RARA: variants seen among roughly 807,000 people sequenced by gnomAD.
RARA encodes retinoic acid receptor alpha, also known as PML-DDX5-RARA fusion.
Under a neutral mutation model 42.8 loss-of-function variants are expected in RARA, and 5 were observed. The observed-to-expected ratio is 0.12, with a 90% CI of 0.06 to 0.25. The LOEUF is 0.25. Among genes scored for constraint, RARA ranks in the 10% least tolerant of loss-of-function variants. The pLI is 1.00. For missense variants in RARA, 402 were observed against 628.7 expected (o/e 0.64, Z 3.86); for synonymous variants, 256 against 259.5 (o/e 0.99, Z 0.13).
At position 40,356,526 on chromosome 17, in the gene RARA, C is replaced by T. The variant is rs1046893372; in HGVS notation, c.*300C>T. 9 of 638,284 alleles carry T rather than the reference C, an allele frequency of 1.4e-5. No homozygotes were observed. The highest frequency in any genetic ancestry group is 1.4e-4 in the South Asian group (9 of 66,192). The allele number at this position is 638,284 out of a possible 1,614,324, so 39.5% of individuals were successfully genotyped here. On this transcript the variant is annotated 3_prime_UTR_variant, in exon 9 of 9. Coordinates refer to ENST00000254066, the MANE Select transcript of RARA (RefSeq NM_000964.4). ...TGGGGGCCTCGTGTTCATCAAGACACCCCTCTGCCCAGCTCACCACATCTT... is the reference window on the plus strand; with the variant it reads ...TGGGGGCCTCGTGTTCATCAAGACATCCCTCTGCCCAGCTCACCACATCTT...
intron 2 of RARA, chr17:40,340,740 G>A (rs2034008098): frequency 1.8e-5 from 7 of 398,516 alleles, no homozygotes; most frequent in Non-Finnish European, 3.1e-5. Context: ...GTGATTATTT[G>A]CTTAATGGCT....
At chr17:40,317,337 G>A (rs1358973426) in intron 1 of RARA, among the ~76,000 whole-genome samples, 1 of 152,244 alleles carries the variant, frequency 6.6e-6, no homozygotes, top group Non-Finnish European at 1.5e-5. Context: ...TGCTAGCGAT[G>A]GGGACAGGAT....
At chr17:40,319,050 G>A (rs1295228904) in intron 1 of RARA, among the ~76,000 whole-genome samples, 1 of 152,194 alleles carries the variant, frequency 6.6e-6, no homozygotes, top group African/African-American at 2.4e-5. Context: ...GGAACTTTTT[G>A]GGGTGAGGGG....
rs1366700065 is a variant in RARA, at chr17:40,345,425, C to CGGCTG, written c.179-2890_179-2886dup. The CGGCTG allele has an allele frequency of 6.6e-6, 1 of 152,346 alleles. No homozygotes were observed. The highest frequency in any genetic ancestry group is 1.5e-5 in the Non-Finnish European group (1 of 68,130). 9.4% of individuals were successfully genotyped at this position (152,346 alleles called of 1,614,324 possible). On this transcript the variant is annotated intron_variant, in intron 2 of 8. Transcript: ENST00000254066. The surrounding 1 kb of genome is among the most constrained non-coding windows in gnomAD (Gnocchi z 4.8). ...GGAGGGGAGCCGCTGGCCGGGGGCC[C>CGGCTG]GGCTGATTTCCTGCTGATCTCCTCC... is the stretch of plus-strand genomic sequence containing the variant.
chr17:40,329,311 T>TG lies in RARA; in HGVS notation c.-362-1546_-362-1545insG, dbSNP rs1450782914. On this transcript the variant is annotated intron_variant, in intron 1 of 8. Coordinates refer to ENST00000254066, the MANE Select transcript of RARA (RefSeq NM_000964.4). Reference sequence around the variant, plus strand: ...GATAACTTTTGTATTTGTGTGTGTGTTTTTTTTTTTTTGGAGACGGAGTCT... The same window carrying TG: ...GATAACTTTTGTATTTGTGTGTGTGTGTTTTTTTTTTTTGGAGACGGAGTCT... 2.8e-4 allele frequency among the ~76,000 whole-genome samples: 40 copies of TG among 143,278 alleles called. No individual in the cohort carries two copies. In the East Asian group the frequency reaches 5.2e-3, roughly 19 times the overall value. 94.0% of individuals were successfully genotyped at this position (143,278 alleles called of 152,430 possible). A position where few individuals can be genotyped will look rare whatever the true frequency, so the allele number is the denominator to read the frequency against.
rs2143237427 is a variant in RARA at position 40,326,131 on chromosome 17, G to C, written c.-362-4726G>C. Among the ~76,000 whole-genome samples, 1 of 152,322 alleles carries C rather than the reference G, an allele frequency of 6.6e-6. No individual in the cohort carries two copies. On this transcript the variant is annotated intron_variant, in intron 1 of 8. Transcript: ENST00000254066. This position sits in a 1 kb window ranked among gnomAD's most constrained non-coding sequence, Gnocchi z 5.2. Reference sequence around the variant, plus strand: ...TGGGAAATGGGTAATTCTCCCTCCTGGCCCCGTCAACAGATGTTGCCCTGG... The same window carrying C: ...TGGGAAATGGGTAATTCTCCCTCCTCGCCCCGTCAACAGATGTTGCCCTGG...
At chr17:40,314,781 G>A (rs141759439) in intron 1 of RARA, among the ~76,000 whole-genome samples, 2 of 152,006 alleles carry the variant, frequency 1.3e-5, no homozygotes, top group Non-Finnish European at 2.9e-5. Flanking sequence ...AGCTCTTCTC[G>A]GTAGGTGAGT....
At chr17:40,332,355 C>T (rs986083613) in intron 2 of RARA, among the ~76,000 whole-genome samples, 2 of 152,094 alleles carry the variant, frequency 1.3e-5, no homozygotes, top group African/African-American at 2.4e-5. Context: ...ACCTGGGAAA[C>T]GTGTCCCCAC....
chr17:40,314,087 T>A (rs902758713), intron 1 of RARA, among the ~76,000 whole-genome samples: 4 of 152,126 alleles, frequency 2.6e-5, no homozygotes, highest in African/African-American at 9.6e-5. Context: ...CTTGAACATT[T>A]ATTTTCTAGC....
Position 40,331,167 on chromosome 17 carries a change from C to A in RARA, c.-52C>A. 1 of 1,534,266 alleles carries A rather than the reference C, an allele frequency of 6.5e-7. No individual in the cohort carries two copies. Among genetic ancestry groups the A allele is most frequent in the Non-Finnish European group, 8.8e-7 (1 of 1,139,628 alleles). Reference sequence around the variant, plus strand: ...CCGAGGAGGGGTGGTCTGAAGCCCACCAGAGCCCCCTGCCAGACTGTCTGC... The same window carrying A: ...CCGAGGAGGGGTGGTCTGAAGCCCAACAGAGCCCCCTGCCAGACTGTCTGC... On this transcript the variant is annotated 5_prime_UTR_variant, in exon 2 of 9. Coordinates refer to ENST00000254066, the MANE Select transcript of RARA (RefSeq NM_000964.4).
Position 40,350,000 on chromosome 17 carries a change from G to A in RARA, c.469+75G>A, listed in dbSNP as rs2143476160. ...ATGCTCCTAAAGACCAAGGGAGCAG[G>A]GCTCTGTGGATGTTTGTGCACATGC... On this transcript the variant is annotated intron_variant, in intron 4 of 8. Coordinates refer to ENST00000254066, the MANE Select transcript of RARA (RefSeq NM_000964.4). The A allele has an allele frequency of 7.6e-6, 12 of 1,570,612 alleles. No individual in the cohort carries two copies. In the South Asian group the frequency reaches 1.4e-4, roughly 18 times the overall value.
In RARA at chr17:40,336,079, G is replaced by T. The variant is rs149635758; in HGVS notation, c.178+4683G>T. On this transcript the variant is annotated intron_variant, in intron 2 of 8. Transcript: ENST00000254066. ...ACCTCTCTGAGCATGTTTCTTTTTT[G>T]TTGTTGTTTGTTTTGAGACGGAGTC... 8.7e-4 allele frequency among the ~76,000 whole-genome samples: 132 copies of T among 152,244 alleles called. No homozygotes were observed. In the Middle Eastern group the frequency reaches 0.02, roughly 24 times the overall value.
At chr17:40,350,989 C>T (rs1232252146) in intron 4 of RARA, among the ~76,000 whole-genome samples, 1 of 152,006 alleles carries the variant, frequency 6.6e-6, no homozygotes, top group Non-Finnish European at 1.5e-5. Flanking sequence ...TCCCCTTCTC[C>T]CTCCCACCGC....
In RARA at chr17:40,352,068, A is replaced by G; in HGVS notation, c.628A>G (p.Thr210Ala). 6.4e-7 allele frequency: 1 copy of G among 1,565,904 alleles called. No homozygotes were observed. ...CCTCTGCCAGCTGGGCAAATACACT[A>G]CGGTATGGCTTTCCCCCGGCCTGCA... Reference protein sequence around the residue: ...PALCQLGKYTTNNSSEQRVSL... With the variant: ...PALCQLGKYTANNSSEQRVSL... Residue 210 changes from threonine to alanine, a missense_variant and splice_region_variant, in exon 5 of 9, where the codon ACG (threonine) becomes GCG (alanine). Physicochemically the swap from Thr to Ala is moderately conservative, Grantham distance 58. Coordinates refer to ENST00000254066, the MANE Select transcript of RARA (RefSeq NM_000964.4). The surrounding 1 kb of genome is among the most constrained non-coding windows in gnomAD (Gnocchi z 4.9).
intron 2 of RARA, among the ~76,000 whole-genome samples, chr17:40,332,834 A>G (rs2033736283): frequency 6.6e-6 from 1 of 152,162 alleles, no homozygotes; most frequent in South Asian, 2.1e-4. Context: ...TATGGGATGG[A>G]TGGAGTCTGG....
At chr17:40,315,171 T>TACACACACACACAC (rs71355449) in intron 1 of RARA, among the ~76,000 whole-genome samples, 14 of 76,560 alleles carry the variant, frequency 1.8e-4, no homozygotes, top group African/African-American at 7.0e-4. Context: ...TATATATATA[T>TACACACACACACAC]ACACACACAC....
Position 40,356,820 on chromosome 17 carries a change from G to A in RARA, c.*594G>A, listed in dbSNP as rs1189444000. ...CATTTATACTGAAGGAATTTGTGCT[G>A]TGTATTGGGGGGAGCTGGATCCAGA... On this transcript the variant is annotated 3_prime_UTR_variant, in exon 9 of 9. Transcript: ENST00000254066. 8.8e-6 allele frequency: 4 copies of A among 452,102 alleles called. No individual in the cohort carries two copies. The highest frequency in any genetic ancestry group is 6.0e-5 in the African/African-American group (3 of 49,946). The allele number at this position is 452,102 out of a possible 1,614,324, so 28.0% of individuals were successfully genotyped here. A position where few individuals can be genotyped will look rare whatever the true frequency, so the allele number is the denominator to read the frequency against.
chr17:40,355,369 G>A lies in RARA; in HGVS notation c.1119G>A (p.Met373Ile). 1.2e-6 allele frequency: 2 copies of A among 1,613,938 alleles called. No homozygotes were observed. Among genetic ancestry groups the A allele is most frequent in the East Asian group, 2.2e-5 (1 of 44,884 alleles). Residue 373 changes from methionine (M) to isoleucine (I), a missense_variant, in exon 8 of 9, where the codon ATG (methionine) becomes ATA (isoleucine). By Grantham distance (10) the Met-to-Ile change is conservative. Transcript: ENST00000254066. This position sits in a 1 kb window ranked among gnomAD's most constrained non-coding sequence, Gnocchi z 4.1. The part of the protein sequence containing the change: ...VRKRRPSRPH[M>I]FPKMLMKITD... ...AGCGGAGGCCCAGCCGCCCCCACAT[G>A]TTCCCCAAGATGCTAATGAAGATTA...
intron 1 of RARA, among the ~76,000 whole-genome samples, chr17:40,325,130 A>G (rs2033500580): frequency 6.6e-6 from 1 of 152,114 alleles, no homozygotes; most frequent in Admixed American, 6.5e-5. Context: ...AGGTGCCTGT[A>G]ACCCCAGCTA....
Sources: gnomAD v4.1 joint callset for allele counts (sites outside exome capture counted in the v4.1 genomes callset) on GRCh38, gnomAD v4.1.1 for gene constraint, Gnocchi (gnomAD v3.1) non-coding constraint, MANE v1.5 for transcripts, NCBI Gene and HGNC (gene_info 2026-07-23, HGNC 2026-07-21) for gene names.